Variants in KCNK12 observed in about 807,000 individuals in gnomAD.
KCNK12 encodes potassium two pore domain channel subfamily K member 12.
KCNK12 carries 6 observed loss-of-function variants against 25.3 expected under a neutral mutation model. The ratio of observed to expected loss-of-function variants is 0.24; its 90% CI spans 0.13 to 0.47. The LOEUF is 0.47. Ranked by LOEUF, KCNK12 falls within the 20% of genes least tolerant of loss-of-function variation. KCNK12 has a pLI of 0.99. For missense variants in KCNK12, 444 were observed against 661.7 expected (o/e 0.67, Z 3.61); for synonymous variants, 331 against 311.1 (o/e 1.06, Z -0.67).
chr2:47,525,213 C>T lies in KCNK12; in HGVS notation c.392-3405G>A, dbSNP rs1214507723. On this transcript the variant is annotated intron_variant, in intron 1 of 1. Transcript: ENST00000327876. This position sits in a 1 kb window ranked among gnomAD's most constrained non-coding sequence, Gnocchi z 4.1. ...CCCACACCCCCACCTCCAGGCTGTA[C>T]GGAAAGGCTGGGGATTGATGGGATC... Among the ~76,000 whole-genome samples the T allele has an allele frequency of 2.6e-5, 4 of 152,182 alleles. No homozygotes were observed. The highest frequency in any genetic ancestry group is 6.5e-5 in the Admixed American group (1 of 15,288).
chr2:47,541,960 G>A (rs1443771757), intron 1 of KCNK12, among the ~76,000 whole-genome samples: 2 of 152,184 alleles, frequency 1.3e-5, no homozygotes, highest in Non-Finnish European at 2.9e-5. Context: ...GCTGCACCCT[G>A]GCTCATTCTG....
At chr2:47,541,531 G>A (rs112340296) in intron 1 of KCNK12, among the ~76,000 whole-genome samples, 22 of 152,088 alleles carry the variant, frequency 1.4e-4, no homozygotes, top group African/African-American at 5.3e-4. Context: ...CTGGGCCCCT[G>A]TTCTGCACTG....
Position 47,560,930 on chromosome 2 carries a change from G to A in KCNK12, c.391+9011C>T, listed in dbSNP as rs905994942. On this transcript the variant is annotated intron_variant, in intron 1 of 1. Transcript: ENST00000327876. This position sits in a 1 kb window ranked among gnomAD's most constrained non-coding sequence, Gnocchi z 4.7. ...CGGGAGGCTTCTGCCTGGGAAGGGG[G>A]TCCCGGTGCTTCCTCCACCCACCAG... Among the ~76,000 whole-genome samples the A allele has an allele frequency of 1.3e-5, 2 of 152,096 alleles. No individual in the cohort carries two copies. Among genetic ancestry groups the A allele is most frequent in the Non-Finnish European group, 2.9e-5 (2 of 68,002 alleles).
In KCNK12 at chr2:47,529,580, G is replaced by A. The variant is rs1668873646; in HGVS notation, c.392-7772C>T. Among the ~76,000 whole-genome samples the A allele has an allele frequency of 6.6e-6, 1 of 152,196 alleles. No homozygotes were observed. The highest frequency in any genetic ancestry group is 1.5e-5 in the Non-Finnish European group (1 of 68,044). On this transcript the variant is annotated intron_variant, in intron 1 of 1. Transcript: ENST00000327876. The surrounding 1 kb of genome is among the most constrained non-coding windows in gnomAD (Gnocchi z 4.3). ...TTGAGTAGCAGCCAGGCTACTTGGA[G>A]AACAGACTGAACTCCAGGAATGGGC...
intron 1 of KCNK12, among the ~76,000 whole-genome samples, chr2:47,541,133 C>T (rs888940032): frequency 7.2e-5 from 11 of 152,172 alleles, no homozygotes; most frequent in South Asian, 2.1e-4. Flanking sequence ...TGTAGAGCTG[C>T]GCCCCAGTAC....
chr2:47,541,217 G>A (rs1414639423), intron 1 of KCNK12, among the ~76,000 whole-genome samples: 1 of 151,950 alleles, frequency 6.6e-6, no homozygotes, highest in African/African-American at 2.4e-5. Flanking sequence ...TGTCCTCTTC[G>A]TGTCCACAGG....
intron 1 of KCNK12, among the ~76,000 whole-genome samples, chr2:47,559,738 G>A (rs955676676): frequency 7.2e-5 from 11 of 152,148 alleles, no homozygotes; most frequent in African/African-American, 2.4e-5. Context: ...GGCTTACTTC[G>A]CAGATGGGGA....
chr2:47,520,903 C>T lies in KCNK12; in HGVS notation c.*4G>A. 6 of 1,242,282 alleles carry T rather than the reference C, an allele frequency of 4.8e-6. No homozygotes were observed. The Middle Eastern group carries it at 8.2e-4, about 169-fold the overall frequency. 77.0% of individuals were successfully genotyped at this position (1,242,282 alleles called of 1,614,324 possible). ...AGGGTCCCCGGCGCGGGCGGACGGG[C>T]GGTCTACCTGGAGGCGCTGGTCTCG... On this transcript the variant is annotated 3_prime_UTR_variant, in exon 2 of 2. Transcript: ENST00000327876. The surrounding 1 kb of genome is among the most constrained non-coding windows in gnomAD (Gnocchi z 5.0).
rs527900633 is a variant in KCNK12, at chr2:47,529,832, A to C, written c.392-8024T>G. ...TAAAATACAGAACACCCAGTTAAAT[A>C]TGACTTGGGTAAACAAGAAATCATT... On this transcript the variant is annotated intron_variant, in intron 1 of 1. Transcript: ENST00000327876. The surrounding 1 kb of genome is among the most constrained non-coding windows in gnomAD (Gnocchi z 4.3). Among the ~76,000 whole-genome samples, 4 of 152,320 alleles carry C rather than the reference A, an allele frequency of 2.6e-5. No individual in the cohort carries two copies. Among genetic ancestry groups the C allele is most frequent in the Non-Finnish European group, 5.9e-5 (4 of 68,036 alleles).
At position 47,570,223 on chromosome 2, in the gene KCNK12, C is replaced by A. The variant is rs1415201552; in HGVS notation, c.109G>T (p.Gly37Cys). The A allele has an allele frequency of 1.3e-6, 2 of 1,484,790 alleles. No homozygotes were observed. Among genetic ancestry groups the A allele is most frequent in the Non-Finnish European group, 8.9e-7 (1 of 1,120,458 alleles). 92.0% of individuals were successfully genotyped at this position (1,484,790 alleles called of 1,614,324 possible). Residue 37 changes from glycine (G) to cysteine (C), a missense_variant, in exon 1 of 2, where the codon GGC (glycine) becomes TGC (cysteine). Physicochemically the swap from Gly to Cys is radical, Grantham distance 159. This residue lies in a region of KCNK12 where 106 missense variants were observed against 142.2 expected (regional missense o/e 0.75). Coordinates refer to ENST00000327876, the MANE Select transcript of KCNK12 (RefSeq NM_022055.2). ...CRRSHLNEDT[G>C]RFVLLAALIG... ...AGCGCCGCCAGCAGCACGAAGCGGC[C>A]GGTGTCCTCGTTGAGGTGCGAACGG...
In KCNK12 at chr2:47,525,759, G is replaced by A. The variant is rs1489137025; in HGVS notation, c.392-3951C>T. On this transcript the variant is annotated intron_variant, in intron 1 of 1. Coordinates refer to ENST00000327876, the MANE Select transcript of KCNK12 (RefSeq NM_022055.2). The surrounding 1 kb of genome is among the most constrained non-coding windows in gnomAD (Gnocchi z 4.1). ...ACAGCATGAGAGGGAGTCACAGGAG[G>A]AGGGATGGAGAGGGCAGTGCCCACT... 6.6e-6 allele frequency among the ~76,000 whole-genome samples: 1 copy of A among 152,178 alleles called. No individual in the cohort carries two copies. Among genetic ancestry groups the A allele is most frequent in the Non-Finnish European group, 1.5e-5 (1 of 68,020 alleles).
chr2:47,515,764 A>T lies in KCNK12; in HGVS notation c.*5143T>A, dbSNP rs1024256886. Among the ~76,000 whole-genome samples, 1 of 152,196 alleles carries T rather than the reference A, an allele frequency of 6.6e-6. No individual in the cohort carries two copies. On this transcript the variant is annotated 3_prime_UTR_variant, in exon 2 of 2. Coordinates refer to ENST00000327876, the MANE Select transcript of KCNK12 (RefSeq NM_022055.2). ...GGATGTGGAGGGGAGAGAAGGCCTC[A>T]GTAGAGTTTGCACTATTATTAGGGC... is the stretch of plus-strand genomic sequence containing the variant.
At position 47,569,983 on chromosome 2, in the gene KCNK12, G is replaced by T; in HGVS notation, c.349C>A (p.Pro117Thr). 1 of 1,435,410 alleles carries T rather than the reference G, an allele frequency of 7.0e-7. No homozygotes were observed. Among genetic ancestry groups the T allele is most frequent in the Non-Finnish European group, 9.1e-7 (1 of 1,095,584 alleles). 88.9% of individuals were successfully genotyped at this position (1,435,410 alleles called of 1,614,324 possible). A position where few individuals can be genotyped will look rare whatever the true frequency, so the allele number is the denominator to read the frequency against. Residue 117 changes from proline to threonine, a missense_variant, in exon 1 of 2, where the codon CCC becomes ACC. Coordinates refer to ENST00000327876, the MANE Select transcript of KCNK12 (RefSeq NM_022055.2). This position sits in a 1 kb window ranked among gnomAD's most constrained non-coding sequence, Gnocchi z 4.1. Reference protein sequence around the residue: ...ADALRPRWDFPGAFYFVGTVV... With the variant: ...ADALRPRWDFTGAFYFVGTVV... Reference sequence around the variant, plus strand: ...GTGCCCACGAAGTAGAAGGCGCCGGGGAAGTCCCAGCGCGGGCGCAGCGCG... The same window carrying T: ...GTGCCCACGAAGTAGAAGGCGCCGGTGAAGTCCCAGCGCGGGCGCAGCGCG...
rs918589398 is a variant in KCNK12, at chr2:47,513,221, A to G, written c.*7686T>C. 4 of 152,182 alleles carry G rather than the reference A, an allele frequency of 2.6e-5. No homozygotes were observed. The highest frequency in any genetic ancestry group is 9.7e-5 in the African/African-American group (4 of 41,444). The allele number at this position is 152,182 out of a possible 1,614,324, so 9.4% of individuals were successfully genotyped here. On this transcript the variant is annotated 3_prime_UTR_variant, in exon 2 of 2. Transcript: ENST00000327876. ...TATCCCTAATGTGTGACCCATGAAA[A>G]TTAGCCAGGCAGCACCAGTTCCAAA...
chr2:47,533,229 T>TGCTTGG lies in KCNK12; in HGVS notation c.392-11422_392-11421insCCAAGC, dbSNP rs58661719. ...TTTTACCATGTTGGCCAGGCTGGTC[T>TGCTTGG]CCAACTCCTGACCTCAGGTGATCTG... On this transcript the variant is annotated intron_variant, in intron 1 of 1. Coordinates refer to ENST00000327876, the MANE Select transcript of KCNK12 (RefSeq NM_022055.2). The surrounding 1 kb of genome is among the most constrained non-coding windows in gnomAD (Gnocchi z 4.7). Among the ~76,000 whole-genome samples the TGCTTGG allele has an allele frequency of 2.0e-5, 3 of 151,760 alleles. No individual in the cohort carries two copies. Among genetic ancestry groups the TGCTTGG allele is most frequent in the African/African-American group, 7.3e-5 (3 of 41,252 alleles).
rs551436517 is a variant in KCNK12 at position 47,510,589 on chromosome 2, G to A, written c.*10318C>T. On this transcript the variant is annotated 3_prime_UTR_variant, in exon 2 of 2. Transcript: ENST00000327876. ...ATCTCAACACCCCTACACTCTCACC[G>A]CACGTATTTGGTCAGCTATGAATAT... Among the ~76,000 whole-genome samples the A allele has an allele frequency of 7.5e-4, 114 of 152,200 alleles. No individual in the cohort carries two copies. The highest frequency in any genetic ancestry group is 8.1e-4 in the Non-Finnish European group (55 of 68,006).
rs560720388 is a variant in KCNK12, at chr2:47,537,699, T to C, written c.392-15891A>G. ...CACATTTTCTGTGGTGCAAATAGGA[T>C]AGTTGCTACTTTTGAAACCGTAAGT... is the stretch of plus-strand genomic sequence containing the variant. On this transcript the variant is annotated intron_variant, in intron 1 of 1. Coordinates refer to ENST00000327876, the MANE Select transcript of KCNK12 (RefSeq NM_022055.2). Among the ~76,000 whole-genome samples the C allele has an allele frequency of 1.8e-3, 267 of 152,346 alleles. 1 individual carries two copies. The highest frequency in any genetic ancestry group is 6.2e-3 in the African/African-American group (256 of 41,582).
rs531464175 is a variant in KCNK12 at position 47,518,941 on chromosome 2, A to C, written c.*1966T>G. 6.6e-6 allele frequency: 1 copy of C among 152,260 alleles called. No individual in the cohort carries two copies. Among genetic ancestry groups the C allele is most frequent in the Non-Finnish European group, 1.5e-5 (1 of 68,060 alleles). 9.4% of individuals were successfully genotyped at this position (152,260 alleles called of 1,614,324 possible). ...CTGTCAGAGGGCCCTGCCCTAGAGA[A>C]CACGTGCGCCCCTGCGTGGGCAATC... On this transcript the variant is annotated 3_prime_UTR_variant, in exon 2 of 2. Transcript: ENST00000327876. This position sits in a 1 kb window ranked among gnomAD's most constrained non-coding sequence, Gnocchi z 4.1.
In KCNK12 at chr2:47,551,438, A is replaced by G. The variant is rs992435343; in HGVS notation, c.391+18503T>C. Among the ~76,000 whole-genome samples, 2 of 152,050 alleles carry G rather than the reference A, an allele frequency of 1.3e-5. No homozygotes were observed. Among genetic ancestry groups the G allele is most frequent in the Non-Finnish European group, 2.9e-5 (2 of 67,998 alleles). On this transcript the variant is annotated intron_variant, in intron 1 of 1. Transcript: ENST00000327876. This position sits in a 1 kb window ranked among gnomAD's most constrained non-coding sequence, Gnocchi z 5.3. The stretch of plus-strand genomic sequence containing the variant: ...CCACCTGACATTTATTTGTATGTTT[A>G]TTTTCTATCTCCCCCAACTAGAATG...
Sources: allele counts gnomAD v4.1 joint callset (sites outside exome capture counted in the v4.1 genomes callset), GRCh38; gene constraint gnomAD v4.1.1; regional missense constraint gnomAD v4.1.1; non-coding constraint Gnocchi (gnomAD v3.1); transcripts MANE v1.5; gene names NCBI Gene and HGNC (gene_info 2026-07-23, HGNC 2026-07-21).